Variants in ANKRD28 observed in about 807,000 individuals in gnomAD.
ANKRD28 encodes ankyrin repeat domain 28, also known as serine/threonine-protein phosphatase 6 regulatory ankyrin repeat subunit A.
In ANKRD28, 44 loss-of-function variants were observed where a neutral mutation model predicts 126.5. The ratio of observed to expected loss-of-function variants is 0.35; its 90% CI spans 0.27 to 0.45. The LOEUF is 0.45. Among genes scored for constraint, ANKRD28 ranks in the 20% least tolerant of loss-of-function variants. The pLI is 1.00. For missense variants in ANKRD28, 1,110 were observed against 1,316.6 expected, an observed-to-expected ratio of 0.84 and a Z score of 2.43; for synonymous variants, 442 against 468.5, an observed-to-expected ratio of 0.94 and a Z score of 0.73.
At chr3:15,858,125 C>T (rs1209370499) in intron 1 of ANKRD28, among the ~76,000 whole-genome samples, 1 of 152,190 alleles carries the variant, frequency 6.6e-6, no homozygotes, top group Non-Finnish European at 1.5e-5. Context: ...CCAATAGCTA[C>T]ATATGTCTAC....
At chr3:15,745,525 T>C (rs945691149) in intron 4 of ANKRD28, among the ~76,000 whole-genome samples, 3 of 152,194 alleles carry the variant, frequency 2.0e-5, no homozygotes, top group Non-Finnish European at 2.9e-5. Flanking sequence ...GCTGTAAGTA[T>C]TTGGCCTTAT....
At chr3:15,720,358 CTA>C (rs938097275) in intron 8 of ANKRD28, among the ~76,000 whole-genome samples, 2 of 152,100 alleles carry the variant, frequency 1.3e-5, no homozygotes, top group Non-Finnish European at 2.9e-5. Context: ...GTATTTTACT[CTA>C]TGTCTTTTAT....
rs1475183055 is a variant in ANKRD28 at position 15,847,401 on chromosome 3, T to G, written c.27+11976A>C. ...TCCATTCATTCCATATTTTCCATGA[T>G]ACTCTGCTGGGCCATGAGCTTTTTC... On this transcript the variant is annotated intron_variant, in intron 1 of 27. Transcript: ENST00000399451. Among the ~76,000 whole-genome samples the G allele has an allele frequency of 1.3e-5, 2 of 152,204 alleles. 1 individual carries two copies. The highest frequency in any genetic ancestry group is 1.3e-4 in the Admixed American group (2 of 15,284).
At position 15,686,092 on chromosome 3, in the gene ANKRD28, G is replaced by A. The variant is rs376891784; in HGVS notation, c.2079C>T (p.Asn693=). 1 of 1,613,334 alleles carries A rather than the reference G, an allele frequency of 6.2e-7. No homozygotes were observed. The highest frequency in any genetic ancestry group is 8.5e-7 in the Non-Finnish European group (1 of 1,179,650). The change falls in exon 20 of 28, where the codon AAC becomes AAT. Residue 693 remains asparagine (N), a synonymous_variant. Coordinates refer to ENST00000683139, the MANE Select transcript of ANKRD28 (RefSeq NM_001349278.2). ...GQTPLMLSVL[N]GHTDCVYSLL... ...ATGAGTAAACACAGTCTGTGTGCCC[G>A]TTGAGAACAGATAGCATCAGAGGCG...
At chr3:15,720,854 C>T (rs920839011) in intron 8 of ANKRD28, 61 bp downstream of exon 8, 5 of 1,441,496 alleles carry the variant, frequency 3.5e-6, no homozygotes, top group East Asian at 2.3e-5. Context: ...TGGTATTCAC[C>T]ATTGATGTTG....
intron 1 of ANKRD28, among the ~76,000 whole-genome samples, chr3:15,849,361 A>T (rs931272866): frequency 4.6e-5 from 7 of 152,224 alleles, no homozygotes; most frequent in African/African-American, 1.4e-4. Flanking sequence ...AAAAACAAAA[A>T]TTGGAAGACT....
At chr3:15,688,354 C>G (rs2068392403) in intron 18 of ANKRD28, among the ~76,000 whole-genome samples, 1 of 152,150 alleles carries the variant, frequency 6.6e-6, no homozygotes, top group African/African-American at 2.4e-5. Flanking sequence ...TGAAACTGAA[C>G]TCAAGTGACC....
At position 15,796,578 on chromosome 3, in the gene ANKRD28, G is replaced by C; in HGVS notation, c.-57C>G. 1 of 1,223,388 alleles carries C rather than the reference G, an allele frequency of 8.2e-7. No individual in the cohort carries two copies. Among genetic ancestry groups the C allele is most frequent in the South Asian group, 1.4e-5 (1 of 71,188 alleles). 75.8% of individuals were successfully genotyped at this position (1,223,388 alleles called of 1,614,324 possible). On this transcript the variant is annotated 5_prime_UTR_variant, in exon 1 of 28. Transcript: ENST00000683139. ...TGTGATAAAAGTCACAGTTGGAAGA[G>C]CACAAGTAGTTTTTCCTCCTCTTCT...
At chr3:15,743,384 A>AC (rs1181879372) in intron 4 of ANKRD28, among the ~76,000 whole-genome samples, 3 of 152,004 alleles carry the variant, frequency 2.0e-5, no homozygotes, top group East Asian at 3.9e-4. Context: ...ACAAAAAAAA[A>AC]CAAAACATAT....
rs2071965587 is a variant in ANKRD28, at chr3:15,709,712, CAGA to C, written c.1359_1361del (p.Leu455del). ...TATTAAAGTCTGCACCAGTATTCAG[CAGA>C]AGGTTTAGGCACTCCAAATTCCTAT... is the stretch of plus-strand genomic sequence containing the variant. On this transcript the variant is annotated inframe_deletion, in exon 13 of 28. Coordinates refer to ENST00000683139, the MANE Select transcript of ANKRD28 (RefSeq NM_001349278.2). 1 of 1,579,534 alleles carries C rather than the reference CAGA, an allele frequency of 6.3e-7. No individual in the cohort carries two copies. Among genetic ancestry groups the C allele is most frequent in the South Asian group, 1.2e-5 (1 of 85,852 alleles).
chr3:15,685,353 G>A lies in ANKRD28; in HGVS notation c.2262C>T (p.His754=), dbSNP rs770843830. 8.7e-6 allele frequency: 14 copies of A among 1,614,016 alleles called. No homozygotes were observed. Among genetic ancestry groups the A allele is most frequent in the East Asian group, 2.2e-5 (1 of 44,882 alleles). Reference sequence around the variant, plus strand: ...CAATGTGTCCACAGGCAGCAGACAGGTGTATAGGCGTCCGGCCCCTGCTAT... The same window carrying A: ...CAATGTGTCCACAGGCAGCAGACAGATGTATAGGCGTCCGGCCCCTGCTAT... ...LRDSRGRTPI[H]LSAACGHIGV... The change falls in exon 21 of 28, where the codon CAC becomes CAT. Residue 754 remains histidine (H), a synonymous_variant. Transcript: ENST00000683139.
At chr3:15,765,063 C>A (rs1213190018) in intron 3 of ANKRD28, among the ~76,000 whole-genome samples, 1 of 152,176 alleles carries the variant, frequency 6.6e-6, no homozygotes, top group Non-Finnish European at 1.5e-5. Flanking sequence ...AGGAATACTA[C>A]TACTAATCCA....
At position 15,854,292 on chromosome 3, in the gene ANKRD28, T is replaced by C. The variant is rs539902410; in HGVS notation, c.27+5085A>G. ...TCTCTTTTCCAACTACACACTCCAATCAAGACTATCTCCTGATTATCCCAT... is the reference window on the plus strand; with the variant it reads ...TCTCTTTTCCAACTACACACTCCAACCAAGACTATCTCCTGATTATCCCAT... On this transcript the variant is annotated intron_variant, in intron 1 of 27. Coordinates refer to the ANKRD28 transcript ENST00000399451. This position sits in a 1 kb window ranked among gnomAD's most constrained non-coding sequence, Gnocchi z 4.1. Among the ~76,000 whole-genome samples, 5 of 152,338 alleles carry C rather than the reference T, an allele frequency of 3.3e-5. No homozygotes were observed. The South Asian group carries it at 8.3e-4, about 25-fold the overall frequency.
intron 3 of ANKRD28, among the ~76,000 whole-genome samples, chr3:15,758,760 T>C (rs2058301473): frequency 6.6e-6 from 1 of 152,174 alleles, no homozygotes; most frequent in African/African-American, 2.4e-5. Context: ...CCGCCCAGTT[T>C]GTAGTACTTT....
At chr3:15,841,007 G>A (rs1237918180) in intron 1 of ANKRD28, among the ~76,000 whole-genome samples, 3 of 152,142 alleles carry the variant, frequency 2.0e-5, no homozygotes, top group Non-Finnish European at 2.9e-5. Context: ...CAGGCATGAT[G>A]GTGCACGCCT....
In ANKRD28 at chr3:15,736,284, C is replaced by T. The variant is rs146665315; in HGVS notation, c.552+749G>A. 6.6e-5 allele frequency among the ~76,000 whole-genome samples: 10 copies of T among 152,204 alleles called. No homozygotes were observed. The East Asian group carries it at 9.7e-4, about 15-fold the overall frequency. ...TTAATTATAAATTAAATTTTATCATCGGTATGTATAGGAAAAAAACACAGT... is the reference window on the plus strand; with the variant it reads ...TTAATTATAAATTAAATTTTATCATTGGTATGTATAGGAAAAAAACACAGT... On this transcript the variant is annotated intron_variant, in intron 5 of 27. Coordinates refer to ENST00000683139, the MANE Select transcript of ANKRD28 (RefSeq NM_001349278.2).
chr3:15,731,883 GGGT>G (rs2074648037), intron 6 of ANKRD28: 1 of 134,914 alleles, frequency 7.4e-6, no homozygotes, highest in African/African-American at 3.0e-5. Flanking sequence ...AAGGGGGGGG[GGGT>G]GTGTGGGGAG....
chr3:15,798,283 T>C (rs1553639559), upstream of ANKRD28: 1 of 379,600 alleles, frequency 2.6e-6, no homozygotes, highest in Non-Finnish European at 3.6e-6. Context: ...AGTAAGAATA[T>C]GCCTGCAATG....
intron 9 of ANKRD28, among the ~76,000 whole-genome samples, chr3:15,714,308 T>C (rs2072707303): frequency 1.3e-5 from 2 of 152,070 alleles, no homozygotes; most frequent in African/African-American, 4.8e-5. Flanking sequence ...AGTAATTTTC[T>C]ATTTAGCAAT....
Sources: gnomAD v4.1 joint callset for allele counts (sites outside exome capture counted in the v4.1 genomes callset) on GRCh38, gnomAD v4.1.1 for gene constraint, Gnocchi (gnomAD v3.1) non-coding constraint, MANE v1.5 for transcripts, NCBI Gene and HGNC (gene_info 2026-07-23, HGNC 2026-07-21) for gene names.